Variants in SLC1A2 observed in about 807,000 individuals in gnomAD.
SLC1A2 encodes the protein excitatory amino acid transporter 2.
A neutral mutation model predicts 48.8 loss-of-function variants in SLC1A2; 15 were observed. That is an observed-to-expected ratio of 0.31 (90% confidence interval 0.21 to 0.47). The LOEUF is 0.47. SLC1A2 is among the 20% of genes least tolerant of loss of function. The pLI is 0.99. For synonymous variants in SLC1A2, 279 were observed against 272.6 expected (o/e 1.02, Z -0.23); for missense variants, 502 against 730.5 (o/e 0.69, Z 3.61).
chr11:35,271,938 C>G (rs1236546033), intron 9 of SLC1A2, among the ~76,000 whole-genome samples: 1 of 151,780 alleles, frequency 6.6e-6, no homozygotes, highest in East Asian at 1.9e-4. Context: ...AGCCAGCTCA[C>G]TATAGGTAAA....
At chr11:35,333,827 ATTTTTTTTTTTTT>A (rs373988431) in intron 1 of SLC1A2, among the ~76,000 whole-genome samples, 38 of 126,178 alleles carry the variant, frequency 3.0e-4, no homozygotes, top group African/African-American at 1.1e-3. Flanking sequence ...ATGCCAGCTA[ATTTTTTTTTTTTT>A]TTTTTTTTTT....
chr11:35,368,190 T>C (rs948502224), intron 1 of SLC1A2, among the ~76,000 whole-genome samples: 1 of 152,234 alleles, frequency 6.6e-6, no homozygotes, highest in Non-Finnish European at 1.5e-5. Context: ...AAATCATCTT[T>C]CAATTCATCA....
intron 1 of SLC1A2, among the ~76,000 whole-genome samples, chr11:35,407,073 A>G (rs1855320345): frequency 6.6e-6 from 1 of 151,660 alleles, no homozygotes; most frequent in Admixed American, 6.6e-5. Flanking sequence ...GAAAGGACTT[A>G]AAAGGTAAAT....
chr11:35,400,798 G>T (rs1189448971), intron 1 of SLC1A2, among the ~76,000 whole-genome samples: 1 of 152,158 alleles, frequency 6.6e-6, no homozygotes, highest in African/African-American at 2.4e-5. Flanking sequence ...TATTTGAAAA[G>T]ATTTATTCTG....
intron 1 of SLC1A2, among the ~76,000 whole-genome samples, chr11:35,382,833 G>T (rs1327754573): frequency 6.6e-6 from 1 of 152,110 alleles, no homozygotes; most frequent in South Asian, 2.1e-4. Context: ...GTAGGTGAAT[G>T]ATCTAGATCA....
chr11:35,370,564 A>T (rs572374525), intron 1 of SLC1A2, among the ~76,000 whole-genome samples: 1 of 152,338 alleles, frequency 6.6e-6, no homozygotes, highest in South Asian at 2.1e-4. Context: ...GACAGAGGGT[A>T]CATATGGGTT....
At chr11:35,324,106 C>CT (rs1490029356) in intron 1 of SLC1A2, among the ~76,000 whole-genome samples, 3 of 152,198 alleles carry the variant, frequency 2.0e-5, no homozygotes, top group Non-Finnish European at 4.4e-5. Flanking sequence ...GGAGAAGAGC[C>CT]TTTTTTTCCA....
chr11:35,332,072 G>T, intron 1 of SLC1A2, among the ~76,000 whole-genome samples: 1 of 152,326 alleles, frequency 6.6e-6, no homozygotes, highest in East Asian at 1.9e-4. Context: ...GCTTTGGACA[G>T]AAGCCTAAAC....
At position 35,292,473 on chromosome 11, in the gene SLC1A2, G is replaced by T; in HGVS notation, c.905C>A (p.Ala302Glu). ...IACLICGKII[A>E]IKDLEVVARQ... Reference sequence around the variant, plus strand: ...AGCAACCACTTCTAAGTCCTTGATTGCAATGATCTTTCCACAGATCAGGCA... The same window carrying T: ...AGCAACCACTTCTAAGTCCTTGATTTCAATGATCTTTCCACAGATCAGGCA... Residue 302 changes from alanine to glutamate, a missense_variant, in exon 7 of 11, where the codon GCA (alanine) becomes GAA (glutamate). By Grantham distance (107) the Ala-to-Glu change is moderately radical. This residue lies in a region of SLC1A2 where 309 missense variants were observed against 480.3 expected (regional missense o/e 0.64). Transcript: ENST00000278379. The T allele has an allele frequency of 3.7e-6, 6 of 1,613,878 alleles. No homozygotes were observed. The highest frequency in any genetic ancestry group is 5.1e-6 in the Non-Finnish European group (6 of 1,179,856).
chr11:35,420,380 T>C (rs1051058568), upstream of SLC1A2, among the ~76,000 whole-genome samples: 12 of 152,026 alleles, frequency 7.9e-5, no homozygotes, highest in African/African-American at 2.9e-4. Context: ...TGATTATCTC[T>C]GGAATACTGC....
At position 35,254,492 on chromosome 11, in the gene SLC1A2, G is replaced by A. The variant is rs1678332942; in HGVS notation, c.*6402C>T. ...GGGGAGAAACCTCAGAGATGTGCTG[G>A]ACCAACTTCCTTGGCTAGTGTGTGT... On this transcript the variant is annotated 3_prime_UTR_variant, in exon 11 of 11. Coordinates refer to ENST00000278379, the MANE Select transcript of SLC1A2 (RefSeq NM_004171.4). The A allele has an allele frequency of 4.0e-6, 1 of 247,964 alleles. No homozygotes were observed. The highest frequency in any genetic ancestry group is 2.3e-5 in the African/African-American group (1 of 43,606). The allele number at this position is 247,964 out of a possible 1,614,324, so 15.4% of individuals were successfully genotyped here. A position where few individuals can be genotyped will look rare whatever the true frequency, so the allele number is the denominator to read the frequency against.
At chr11:35,331,016 T>C in intron 1 of SLC1A2, among the ~76,000 whole-genome samples, 1 of 152,218 alleles carries the variant, frequency 6.6e-6, no homozygotes, top group East Asian at 1.9e-4. Context: ...ATCTCATTTG[T>C]TGTTTACAAA....
At chr11:35,391,528 A>G (rs1854768922) in intron 1 of SLC1A2, 3 of 152,170 alleles carry the variant, frequency 2.0e-5, no homozygotes, top group Admixed American at 2.0e-4. Flanking sequence ...CACCCTCCAA[A>G]ACCCTTCTTA....
Position 35,286,778 on chromosome 11 carries a change from C to G in SLC1A2, c.1265G>C (p.Gly422Ala), listed in dbSNP as rs2134717681. ...IAQMNGVVLD[G>A]GQIVTVSLTA... Reference sequence around the variant, plus strand: ...TCACCTTACAGTCACAATCTGTCCTCCATCCAGGACAACACCATTCATTTG... The same window carrying G: ...TCACCTTACAGTCACAATCTGTCCTGCATCCAGGACAACACCATTCATTTG... The change falls in exon 8 of 11, where the codon GGA (glycine) becomes GCA (alanine). Residue 422 changes from glycine to alanine, a missense_variant. Physicochemically the swap from Gly to Ala is moderately conservative, Grantham distance 60. Transcript: ENST00000278379. The G allele has an allele frequency of 6.2e-7, 1 of 1,613,018 alleles. No homozygotes were observed. The highest frequency in any genetic ancestry group is 2.2e-5 in the East Asian group (1 of 44,846).
intron 1 of SLC1A2, among the ~76,000 whole-genome samples, chr11:35,353,679 G>T (rs1853349042): frequency 6.6e-6 from 1 of 152,122 alleles, no homozygotes; most frequent in Non-Finnish European, 1.5e-5. Flanking sequence ...TAATAGCAAG[G>T]GTGGACATGA....
intron 5 of SLC1A2, among the ~76,000 whole-genome samples, chr11:35,305,730 A>T (rs1037245370): frequency 6.6e-6 from 1 of 152,228 alleles, no homozygotes; most frequent in African/African-American, 2.4e-5. Context: ...AAAATGCTTA[A>T]GAAACGAAAG....
chr11:35,333,016 T>C (rs78153646), intron 1 of SLC1A2, among the ~76,000 whole-genome samples: 5,173 of 152,292 alleles, frequency 0.034, 99 homozygotes, highest in Middle Eastern at 0.065. Context: ...GTTCCTCAGG[T>C]TGGCTCCCTG....
intron 1 of SLC1A2, among the ~76,000 whole-genome samples, chr11:35,373,017 T>C (rs1018546941): frequency 4.6e-5 from 7 of 152,240 alleles, no homozygotes; most frequent in Admixed American, 6.5e-5. Context: ...CTGGGGCATC[T>C]GGCTTCTGCC....
intron 1 of SLC1A2, chr11:35,391,050 G>C (rs1854753788): frequency 6.6e-6 from 1 of 152,110 alleles, no homozygotes; most frequent in South Asian, 2.1e-4. Context: ...TTCTATCTGT[G>C]GCCTCTGCTA....
Sources: allele counts gnomAD v4.1 joint callset (sites outside exome capture counted in the v4.1 genomes callset), GRCh38; gene constraint gnomAD v4.1.1; regional missense constraint gnomAD v4.1.1; transcripts MANE v1.5; gene names NCBI Gene and HGNC (gene_info 2026-07-23, HGNC 2026-07-21).